Variants in ATR observed in about 807,000 individuals in gnomAD.
ATR encodes the protein ATR checkpoint kinase.
A neutral mutation model predicts 305.3 loss-of-function variants in ATR; 142 were observed. The observed-to-expected ratio is 0.47, with a 90% confidence interval of 0.41 to 0.53. The LOEUF (loss-of-function observed/expected upper bound fraction) is 0.53. Among genes scored for constraint, ATR ranks in the 20% least tolerant of loss-of-function variants. ATR has a pLI of 0.00. For synonymous variants in ATR, 1,050 were observed against 1,068.1 expected (o/e 0.98, Z 0.33); for missense variants, 2,135 against 3,133.1 (o/e 0.68, Z 7.60).
chr3:142,453,100 C>G (rs1412266278), intron 46 of ATR, 28 bp downstream of exon 46: 1 of 1,613,608 alleles, frequency 6.2e-7, no homozygotes. Context: ...AGGACTACAG[C>G]CCATATCAAG....
intron 35 of ATR, 117 bp downstream of exon 35, chr3:142,493,014 TC>T: frequency 1.0e-6 from 1 of 971,674 alleles, no homozygotes; most frequent in East Asian, 2.6e-5. Flanking sequence ...ACTTATATAC[TC>T]ACTGAAAAGT....
chr3:142,452,683 AACC>A (rs1237230328), intron 46 of ATR: 44 of 1,035,078 alleles, frequency 4.3e-5, no homozygotes, highest in South Asian at 1.6e-4. Context: ...CAAAAACAAC[AACC>A]ACCACCACCA....
chr3:142,555,504 C>A (rs2034635648), intron 10 of ATR, among the ~76,000 whole-genome samples: 1 of 152,114 alleles, frequency 6.6e-6, no homozygotes, highest in South Asian at 2.1e-4. Context: ...CTCAGTTGGG[C>A]AAAGTAATTT....
At chr3:142,536,823 G>A (rs1038279184) in intron 19 of ATR, among the ~76,000 whole-genome samples, 4 of 152,108 alleles carry the variant, frequency 2.6e-5, no homozygotes, top group Non-Finnish European at 4.4e-5. Context: ...CTAGGTTTTG[G>A]AGTGATTTGG....
At position 142,511,503 on chromosome 3, in the gene ATR, A is replaced by G. The variant is rs138196661; in HGVS notation, c.4852+757T>C. ...AAACCCCGTCTCTACTAAAAATACA[A>G]AAATTAGCTGGCCATGGTGGCACAC... On this transcript the variant is annotated intron_variant, in intron 27 of 46. Coordinates refer to ENST00000350721, the MANE Select transcript of ATR (RefSeq NM_001184.4). Among the ~76,000 whole-genome samples the G allele has an allele frequency of 8.8e-3, 1,333 of 151,784 alleles. 16 individuals carry two copies. Among genetic ancestry groups the G allele is most frequent in the South Asian group, 0.029 (137 of 4,792 alleles).
chr3:142,451,605 G>A, intron 46 of ATR: 5 of 1,288,782 alleles, frequency 3.9e-6, no homozygotes, highest in Non-Finnish European at 5.0e-6. Context: ...TGATGCCAAG[G>A]GTCTCACTCT....
intron 20 of ATR, 89 bp from the exon 21 acceptor site, chr3:142,535,294 T>C (rs1453676617): frequency 6.6e-7 from 1 of 1,508,254 alleles, no homozygotes; most frequent in Non-Finnish European, 9.1e-7. Flanking sequence ...ATAGTTACCA[T>C]TAAACTATAC....
chr3:142,564,659 C>T (rs2035003120), intron 3 of ATR, among the ~76,000 whole-genome samples: 1 of 152,144 alleles, frequency 6.6e-6, no homozygotes, highest in Non-Finnish European at 1.5e-5. Context: ...TATATCATGA[C>T]CCAGTACATA....
chr3:142,505,284 T>C lies in ATR; in HGVS notation c.5051A>G (p.His1684Arg), dbSNP rs1197903798. ...GFLQKLYAAM[H>R]EPDGVAGVSA... ...GACTCCGGCCACTCCATCAGGTTCA[T>C]GCATAGCAGCATACAATTTCTTTGT... Residue 1684 changes from histidine (H) to arginine (R), a missense_variant, in exon 29 of 47, where the codon CAT (histidine) becomes CGT (arginine). Physicochemically the swap from His to Arg is conservative, Grantham distance 29. Transcript: ENST00000350721. The C allele has an allele frequency of 1.2e-6, 2 of 1,613,918 alleles. No homozygotes were observed. The highest frequency in any genetic ancestry group is 1.7e-6 in the Non-Finnish European group (2 of 1,179,936).
At position 142,497,916 on chromosome 3, in the gene ATR, T is replaced by G. The variant is rs140903699; in HGVS notation, c.5558+681A>C. ...CACTAGCTTTTTCCCCCTTGTATGA[T>G]AGTCAGTGTCTATGATTCAGTGTTC... On this transcript the variant is annotated intron_variant, in intron 32 of 46. Transcript: ENST00000350721. Among the ~76,000 whole-genome samples the G allele has an allele frequency of 1.7e-4, 26 of 152,292 alleles. No homozygotes were observed. In the East Asian group the frequency reaches 4.8e-3, roughly 28 times the overall value.
intron 35 of ATR, among the ~76,000 whole-genome samples, chr3:142,489,998 T>C (rs541849794): frequency 3.6e-4 from 55 of 152,350 alleles, no homozygotes; most frequent in Middle Eastern, 6.8e-3. Context: ...TCTTTTCATT[T>C]GCTTTTTGGC....
At chr3:142,569,094 G>T (rs2035174906) in intron 1 of ATR, among the ~76,000 whole-genome samples, 1 of 152,182 alleles carries the variant, frequency 6.6e-6, no homozygotes, top group Non-Finnish European at 1.5e-5. Flanking sequence ...GGACCACAGC[G>T]AGAACTTAGG....
At chr3:142,512,568 A>G in intron 26 of ATR, 98 bp from the exon 27 acceptor site, 3 of 1,097,064 alleles carry the variant, frequency 2.7e-6, no homozygotes, top group Non-Finnish European at 2.5e-6. Flanking sequence ...AAAATTTTCA[A>G]AAGAAAAAAC....
intron 20 of ATR, among the ~76,000 whole-genome samples, chr3:142,535,895 T>G (rs2033839242): frequency 6.6e-6 from 1 of 152,190 alleles, no homozygotes; most frequent in African/African-American, 2.4e-5. Flanking sequence ...CTCTGTTCTA[T>G]CTAATGGTGT....
intron 12 of ATR, 77 bp from the exon 13 acceptor site, chr3:142,553,475 T>C (rs2034553851): frequency 2.0e-6 from 3 of 1,488,558 alleles, no homozygotes; most frequent in Admixed American, 3.5e-5. Context: ...CACATATGTA[T>C]CTCCAATATC....
Position 142,566,192 on chromosome 3 carries a change from T to C in ATR, c.221A>G (p.His74Arg). 1 of 1,614,078 alleles carries C rather than the reference T, an allele frequency of 6.2e-7. No individual in the cohort carries two copies. Among genetic ancestry groups the C allele is most frequent in the Non-Finnish European group, 8.5e-7 (1 of 1,179,894 alleles). Reference protein sequence around the residue: ...TSVMLLDFIQHIMKSSPLMFV... With the variant: ...TSVMLLDFIQRIMKSSPLMFV... ...CATAAGTGGGGAGGATTTCATGATATGCTGGATGAAATCAAGCAACATCAC... is the reference window on the plus strand; with the variant it reads ...CATAAGTGGGGAGGATTTCATGATACGCTGGATGAAATCAAGCAACATCAC... The change falls in exon 3 of 47, where the codon CAT (histidine) becomes CGT (arginine). Residue 74 changes from histidine (H) to arginine (R), a missense_variant. His to Arg is a conservative substitution (Grantham distance 29). Transcript: ENST00000350721.
At chr3:142,472,096 T>A (rs1048253065) in intron 36 of ATR, 1 of 149,970 alleles carries the variant, frequency 6.7e-6, no homozygotes, top group Non-Finnish European at 1.5e-5. Flanking sequence ...TGTGTGTGTG[T>A]GTGTGTGTGT....
Position 142,556,520 on chromosome 3 carries a change from T to C in ATR, c.1941A>G (p.Ile647Met). ...VFLLTLFPRR[I>M]FLEWRTAVYN... ...AAACTGCTGTTCTCCACTCAAGGAA[T>C]ATTCTTCTTGGAAACAGAGTCAGAA... is the stretch of plus-strand genomic sequence containing the variant. Residue 647 changes from isoleucine (I) to methionine (M), a missense_variant, in exon 9 of 47, where the codon ATA (isoleucine) becomes ATG (methionine). Physicochemically the swap from Ile to Met is conservative, Grantham distance 10. This residue lies in a region of ATR where 744 missense variants were observed against 873.2 expected (regional missense o/e 0.85). Transcript: ENST00000350721. The C allele has an allele frequency of 6.2e-7, 1 of 1,614,108 alleles. No individual in the cohort carries two copies. Among genetic ancestry groups the C allele is most frequent in the Non-Finnish European group, 8.5e-7 (1 of 1,179,986 alleles).
At chr3:142,491,565 G>A (rs2031281340) in intron 35 of ATR, among the ~76,000 whole-genome samples, 1 of 152,164 alleles carries the variant, frequency 6.6e-6, no homozygotes, top group African/African-American at 2.4e-5. Context: ...AAATTCAGAA[G>A]ATCTCTCTAA....
Sources: gnomAD v4.1 joint callset for allele counts (sites outside exome capture counted in the v4.1 genomes callset) on GRCh38, gnomAD v4.1.1 for gene constraint, gnomAD v4.1.1 regional missense constraint, MANE v1.5 for transcripts, NCBI Gene and HGNC (gene_info 2026-07-23, HGNC 2026-07-21) for gene names.